The following TRMT11 variants were observed in gnomAD, a reference collection of about 807,000 sequenced individuals.
TRMT11 encodes tRNA methyltransferase 11.
A neutral mutation model predicts 62.8 loss-of-function variants in TRMT11; 53 were observed. The ratio of observed to expected loss-of-function variants is 0.84; its 90% CI spans 0.68 to 1.06. The LOEUF is 1.06. TRMT11 is among the 50% of genes least tolerant of loss of function. The pLI is 0.00. For synonymous variants in TRMT11, 188 were observed against 190.3 expected, an observed-to-expected ratio of 0.99 and a Z score of 0.10; for missense variants, 556 against 553.4, an observed-to-expected ratio of 1.00 and a Z score of -0.05.
intron 21 of TRMT11, among the ~76,000 whole-genome samples, chr6:126,136,383 A>C (rs1242909483): frequency 6.6e-6 from 1 of 151,750 alleles, no homozygotes; most frequent in East Asian, 1.9e-4. Context: ...GATCTATCTG[A>C]AAAAGTAATC....
At chr6:126,173,475 TC>T (rs1482559162), upstream of TRMT11, among the ~76,000 whole-genome samples, 3 of 152,170 alleles carry the variant, frequency 2.0e-5, no homozygotes, top group Non-Finnish European at 4.4e-5. Context: ...TTAGGAGTTG[TC>T]CTGCTACAGT....
chr6:126,206,076 T>C (rs769489334), downstream of TRMT11, among the ~76,000 whole-genome samples: 12 of 152,364 alleles, frequency 7.9e-5, no homozygotes, highest in Middle Eastern at 6.8e-3. Flanking sequence ...ACTGTTTTTC[T>C]TTTTAGGATT....
chr6:126,044,814 G>A (rs1007283856), intron 16 of TRMT11, among the ~76,000 whole-genome samples: 2 of 152,102 alleles, frequency 1.3e-5, no homozygotes, highest in Non-Finnish European at 1.5e-5. Flanking sequence ...ACAACCTACT[G>A]TAAGTGCAGG....
chr6:126,088,488 T>C (rs1467426865), intron 17 of TRMT11, among the ~76,000 whole-genome samples: 1 of 152,086 alleles, frequency 6.6e-6, no homozygotes, highest in Non-Finnish European at 1.5e-5. Flanking sequence ...GCAGACGGAG[T>C]TGAAAAGCAC....
At chr6:126,064,714 T>G (rs1423330365) in intron 17 of TRMT11, among the ~76,000 whole-genome samples, 4 of 152,066 alleles carry the variant, frequency 2.6e-5, no homozygotes, top group African/African-American at 7.3e-5. Flanking sequence ...AAAAATCATG[T>G]AAGTTAGGCC....
At chr6:126,115,412 T>C (rs994176298) in exon 20 of TRMT11, among the ~76,000 whole-genome samples, 7 of 152,140 alleles carry the variant, frequency 4.6e-5, no homozygotes, top group African/African-American at 1.7e-4. Context: ...GTTTTTAGGC[T>C]TCTCAGATGA....
the TRMT11 span, among the ~76,000 whole-genome samples, chr6:126,267,457 C>A: frequency 6.6e-6 from 1 of 152,206 alleles, no homozygotes; most frequent in African/African-American, 2.4e-5. Flanking sequence ...TCTTTGTACA[C>A]TGACAGGTGG....
chr6:126,229,145 TA>T, the TRMT11 span, among the ~76,000 whole-genome samples: 5 of 152,306 alleles, frequency 3.3e-5, no homozygotes, highest in Non-Finnish European at 5.9e-5. Context: ...AGAAAACTAA[TA>T]AAAAATGTTA....
chr6:126,064,768 T>G (rs1243038379), intron 17 of TRMT11, among the ~76,000 whole-genome samples: 1 of 152,192 alleles, frequency 6.6e-6, no homozygotes, highest in African/African-American at 2.4e-5. Context: ...GGCTGCAGAT[T>G]TATCCTAAGG....
chr6:125,990,181 A>G (rs578032102), intron 1 of TRMT11, among the ~76,000 whole-genome samples: 1 of 152,212 alleles, frequency 6.6e-6, no homozygotes, highest in Non-Finnish European at 1.5e-5. Context: ...GTTCTGTTTC[A>G]TATAGTGGGC....
chr6:126,261,274 C>T, the TRMT11 span, among the ~76,000 whole-genome samples: 2 of 151,794 alleles, frequency 1.3e-5, no homozygotes, highest in South Asian at 4.2e-4. Flanking sequence ...CTGTTTGGTT[C>T]TTTTTTCATG....
chr6:126,073,572 G>A (rs930605063), intron 17 of TRMT11, among the ~76,000 whole-genome samples: 2 of 151,866 alleles, frequency 1.3e-5, no homozygotes, highest in East Asian at 3.9e-4. Context: ...CTTTGGAATA[G>A]TTACTTACCT....
At chr6:126,264,176 T>C in the TRMT11 span, among the ~76,000 whole-genome samples, 7 of 152,198 alleles carry the variant, frequency 4.6e-5, no homozygotes, top group African/African-American at 9.7e-5. Context: ...ATTGTAAGCA[T>C]GGAGAGTAAA....
chr6:126,135,313 TG>T (rs1291403589), intron 21 of TRMT11, among the ~76,000 whole-genome samples: 2 of 151,622 alleles, frequency 1.3e-5, no homozygotes, highest in South Asian at 2.1e-4. Context: ...AACATTATGA[TG>T]GTTAGCACAG....
At chr6:126,231,970 T>C in the TRMT11 span, among the ~76,000 whole-genome samples, 3 of 152,164 alleles carry the variant, frequency 2.0e-5, no homozygotes, top group Admixed American at 2.0e-4. Context: ...GAATTGGCAA[T>C]GATATGACTT....
At position 126,138,585 on chromosome 6, in the gene TRMT11, A is replaced by G. The variant is rs147686716; in HGVS notation, c.*1823+22730A>G. On this transcript the variant is annotated intron_variant and NMD_transcript_variant, in intron 21 of 22. Coordinates refer to the TRMT11 transcript ENST00000648977. ...GAATGAATCATCCTCAGAGATTTAGATGAAATTCTTGAAAAGTTTGCTATT... is the reference window on the plus strand; with the variant it reads ...GAATGAATCATCCTCAGAGATTTAGGTGAAATTCTTGAAAAGTTTGCTATT... Among the ~76,000 whole-genome samples, 1,341 of 152,138 alleles carry G rather than the reference A, an allele frequency of 8.8e-3. 19 individuals are homozygous for G. Among genetic ancestry groups the G allele is most frequent in the African/African-American group, 0.031 (1,292 of 41,546 alleles).
intron 12 of TRMT11, among the ~76,000 whole-genome samples, chr6:126,036,053 C>T (rs1014963685): frequency 3.4e-4 from 52 of 152,198 alleles, no homozygotes; most frequent in African/African-American, 1.2e-3. Context: ...ACCTTAGCCT[C>T]CTTACTACTG....
Position 126,089,115 on chromosome 6 carries a change from C to CT in TRMT11, c.*1438-23738dup, listed in dbSNP as rs1221476041. ...CTCTGCAAAGCTCTTTACATGTAAT[C>CT]TTTTTTTTTTTTTCCCAAGATGGAG... On this transcript the variant is annotated intron_variant and NMD_transcript_variant, in intron 17 of 22. Transcript: ENST00000648977. Among the ~76,000 whole-genome samples the CT allele has an allele frequency of 6.0e-3, 875 of 144,902 alleles. 10 individuals are homozygous for CT. Among genetic ancestry groups the CT allele is most frequent in the African/African-American group, 0.017 (695 of 39,898 alleles).
At chr6:126,187,189 A>G (rs1195550699) in intron 1 of TRMT11, among the ~76,000 whole-genome samples, 1 of 151,958 alleles carries the variant, frequency 6.6e-6, no homozygotes, top group Non-Finnish European at 1.5e-5. Flanking sequence ...TTTGTAGATG[A>G]TATGATCATG....
Sources: allele counts gnomAD v4.1 joint callset (sites outside exome capture counted in the v4.1 genomes callset), GRCh38; gene constraint gnomAD v4.1.1; transcripts MANE v1.5; gene names NCBI Gene and HGNC (gene_info 2026-07-23, HGNC 2026-07-21).